The following APPL1 variants were observed in gnomAD, a reference collection of about 807,000 sequenced individuals.
APPL1 encodes DCC-interacting protein 13-alpha.
Under a neutral mutation model 106.8 loss-of-function variants are expected in APPL1, and 42 were observed. That is an observed-to-expected ratio of 0.39 (90% confidence interval 0.31 to 0.51). APPL1 has a LOEUF of 0.51. APPL1 is among the 20% of genes least tolerant of loss of function. APPL1 has a pLI of 0.75. For missense variants in APPL1, 769 were observed against 858.2 expected, an observed-to-expected ratio of 0.90 and a Z score of 1.30; for synonymous variants, 263 against 281.8, an observed-to-expected ratio of 0.93 and a Z score of 0.67.
rs149799809 is a variant in APPL1 at position 57,231,103 on chromosome 3, G to A, written c.54+3166G>A. ...GCCTGTAATCTCAGCACTTTGGGAGGACGAGGCAGGTGAATCACGAGGTCA... is the reference window on the plus strand; with the variant it reads ...GCCTGTAATCTCAGCACTTTGGGAGAACGAGGCAGGTGAATCACGAGGTCA... On this transcript the variant is annotated intron_variant, in intron 1 of 21. Coordinates refer to ENST00000288266, the MANE Select transcript of APPL1 (RefSeq NM_012096.3). Among the ~76,000 whole-genome samples the A allele has an allele frequency of 7.6e-3, 1,148 of 151,932 alleles. 14 individuals carry two copies. The highest frequency in any genetic ancestry group is 0.026 in the African/African-American group (1,067 of 41,474).
At chr3:57,255,162 G>A (rs1163042827) in intron 13 of APPL1, among the ~76,000 whole-genome samples, 1 of 152,204 alleles carries the variant, frequency 6.6e-6, no homozygotes, top group Non-Finnish European at 1.5e-5. Flanking sequence ...AGAGAATTCT[G>A]GAAGGAGTCA....
chr3:57,269,667 A>G lies in APPL1; in HGVS notation c.2110A>G (p.Lys704Glu), dbSNP rs144975113. The change falls in exon 22 of 22, where the codon AAG (lysine) becomes GAG (glutamate). Residue 704 changes from lysine to glutamate, a missense_variant. Physicochemically the swap from Lys to Glu is moderately conservative, Grantham distance 56. Transcript: ENST00000288266. ...EESDLGEGGK[K>E]RESEA ...GAGTGATTTGGGAGAAGGAGGAAAG[A>G]AGAGAGAATCAGAAGCATAAGCTTA... 5.6e-6 allele frequency: 9 copies of G among 1,613,946 alleles called. No individual in the cohort carries two copies. In the African/African-American group the frequency reaches 9.3e-5, roughly 17 times the overall value.
At chr3:57,238,983 AAG>A (rs2060731377) in intron 4 of APPL1, among the ~76,000 whole-genome samples, 2 of 152,186 alleles carry the variant, frequency 1.3e-5, no homozygotes, top group African/African-American at 4.8e-5. Flanking sequence ...TATAAAGAAA[AAG>A]AGGTTTAATG....
Position 57,259,825 on chromosome 3 carries a change from T to C in APPL1, c.1484-20T>C. On this transcript the variant is annotated intron_variant, in intron 16 of 21. Transcript: ENST00000288266. ...TATACAGTAAAAAAAAAATATGTAATACACCTTGTTCTATTATAGATTCTA... is the reference window on the plus strand; with the variant it reads ...TATACAGTAAAAAAAAAATATGTAACACACCTTGTTCTATTATAGATTCTA... The C allele has an allele frequency of 6.6e-7, 1 of 1,525,766 alleles. No individual in the cohort carries two copies. The allele number at this position is 1,525,766 out of a possible 1,614,324, so 94.5% of individuals were successfully genotyped here. A position where few individuals can be genotyped will look rare whatever the true frequency, so the allele number is the denominator to read the frequency against.
At chr3:57,235,428 C>A in intron 1 of APPL1, 138 bp from the exon 2 acceptor site, 1 of 486,610 alleles carries the variant, frequency 2.1e-6, no homozygotes, top group East Asian at 3.2e-5. Flanking sequence ...ACATTACTAT[C>A]AAAAGAGACA....
At position 57,273,239 on chromosome 3, in the gene APPL1, C is replaced by T. The variant is rs1027215115; in HGVS notation, c.*3552C>T. The T allele has an allele frequency of 2.6e-5, 4 of 152,548 alleles. No homozygotes were observed. Among genetic ancestry groups the T allele is most frequent in the African/African-American group, 9.7e-5 (4 of 41,428 alleles). The allele number at this position is 152,548 out of a possible 1,614,324, so 9.4% of individuals were successfully genotyped here. On this transcript the variant is annotated 3_prime_UTR_variant, in exon 22 of 22. Coordinates refer to ENST00000288266, the MANE Select transcript of APPL1 (RefSeq NM_012096.3). ...TGAATTGATTCTTATTTCACTGATA[C>T]TATTAATCATGCAGTGTACAATTCA... is the stretch of plus-strand genomic sequence containing the variant.
At chr3:57,249,615 CT>C (rs2060792872) in intron 11 of APPL1, 67 bp downstream of exon 11, 1 of 1,357,192 alleles carries the variant, frequency 7.4e-7, no homozygotes, top group Admixed American at 2.8e-5. Context: ...GAGATAATTC[CT>C]TTTTGTTTAG....
intron 8 of APPL1, 118 bp from the exon 9 acceptor site, chr3:57,247,277 G>C: frequency 1.7e-6 from 1 of 604,204 alleles, no homozygotes; most frequent in Non-Finnish European, 2.9e-6. Context: ...ACACAAATGG[G>C]AATATTCCTT....
Position 57,263,966 on chromosome 3 carries a change from AC to A in APPL1, c.1842+3193del, listed in dbSNP as rs576246365. 4.7e-4 allele frequency among the ~76,000 whole-genome samples: 71 copies of A among 152,220 alleles called. 3 individuals are homozygous for A. In the South Asian group the frequency reaches 0.015, roughly 31 times the overall value. ...TTTTAGTTTTTTGAGGAACCTCCAG[AC>A]TTTTCTCCATAGTGGTTATACTAAT... On this transcript the variant is annotated intron_variant, in intron 19 of 21. Coordinates refer to ENST00000288266, the MANE Select transcript of APPL1 (RefSeq NM_012096.3).
chr3:57,271,274 G>A lies in APPL1; in HGVS notation c.*1587G>A, dbSNP rs1416506759. ...GTAGGAATAGGATAATGATATATAGGATCATGATATTCCTTCTATCCATGT... is the reference window on the plus strand; with the variant it reads ...GTAGGAATAGGATAATGATATATAGAATCATGATATTCCTTCTATCCATGT... On this transcript the variant is annotated 3_prime_UTR_variant, in exon 22 of 22. Transcript: ENST00000288266. The A allele has an allele frequency of 6.6e-6, 1 of 152,422 alleles. No homozygotes were observed. Among genetic ancestry groups the A allele is most frequent in the Non-Finnish European group, 1.5e-5 (1 of 67,988 alleles). The allele number at this position is 152,422 out of a possible 1,614,324, so 9.4% of individuals were successfully genotyped here. A position where few individuals can be genotyped will look rare whatever the true frequency, so the allele number is the denominator to read the frequency against.
At position 57,270,398 on chromosome 3, in the gene APPL1, G is replaced by GACTT. The variant is rs1481877309; in HGVS notation, c.*712_*715dup. 1.3e-5 allele frequency: 2 copies of GACTT among 152,594 alleles called. No homozygotes were observed. The highest frequency in any genetic ancestry group is 3.8e-4 in the East Asian group (2 of 5,200). The allele number at this position is 152,594 out of a possible 1,614,324, so 9.5% of individuals were successfully genotyped here. ...ATCACATTCTTAGTTCTCAGGTTGG[G>GACTT]ACTTCAATTACTGCTGCAGAGCAGT... is the stretch of plus-strand genomic sequence containing the variant. On this transcript the variant is annotated 3_prime_UTR_variant, in exon 22 of 22. Coordinates refer to ENST00000288266, the MANE Select transcript of APPL1 (RefSeq NM_012096.3).
chr3:57,231,338 CAA>C (rs71088043), intron 1 of APPL1, among the ~76,000 whole-genome samples: 57 of 72,216 alleles, frequency 7.9e-4, no homozygotes, highest in Admixed American at 1.2e-3. Flanking sequence ...GACTCCGTCT[CAA>C]AAAAAAAAAA....
At chr3:57,265,097 A>G (rs2060887466) in intron 19 of APPL1, among the ~76,000 whole-genome samples, 1 of 151,802 alleles carries the variant, frequency 6.6e-6, no homozygotes, top group Non-Finnish European at 1.5e-5. Flanking sequence ...ATATGTTTCC[A>G]TTTTTGGTGT....
At chr3:57,253,328 A>G (rs1332491675) in intron 12 of APPL1, among the ~76,000 whole-genome samples, 1 of 152,186 alleles carries the variant, frequency 6.6e-6, no homozygotes, top group African/African-American at 2.4e-5. Context: ...AGATAAATAT[A>G]GATTATTAAG....
Position 57,227,850 on chromosome 3 carries a change from C to T in APPL1, c.-34C>T, listed in dbSNP as rs1297475564. On this transcript the variant is annotated 5_prime_UTR_variant, in exon 1 of 22. Transcript: ENST00000288266. ...CGGCGCGGGGAGCTGTGGGCGGCAG[C>T]TGCGTCTCCTGCCACCGCCCTCCCT... is the stretch of plus-strand genomic sequence containing the variant. 4 of 1,449,376 alleles carry T rather than the reference C, an allele frequency of 2.8e-6. No individual in the cohort carries two copies. The East Asian group carries it at 1.2e-4, about 43-fold the overall frequency. 89.8% of individuals were successfully genotyped at this position (1,449,376 alleles called of 1,614,324 possible). A position where few individuals can be genotyped will look rare whatever the true frequency, so the allele number is the denominator to read the frequency against.
chr3:57,237,558 T>C lies in APPL1; in HGVS notation c.213+7T>C. On this transcript the variant is annotated splice_region_variant and intron_variant, in intron 3 of 21. Coordinates refer to ENST00000288266, the MANE Select transcript of APPL1 (RefSeq NM_012096.3). ...AAAAGAATATGAAAAACAGGTATTG[T>C]ATATCAAAGTTTTAAAAGCATAATT... 1 of 1,573,410 alleles carries C rather than the reference T, an allele frequency of 6.4e-7. No homozygotes were observed. The highest frequency in any genetic ancestry group is 1.7e-4 in the Middle Eastern group (1 of 5,984).
At chr3:57,233,057 C>A (rs538191063) in intron 1 of APPL1, among the ~76,000 whole-genome samples, 1 of 151,956 alleles carries the variant, frequency 6.6e-6, no homozygotes, top group Non-Finnish European at 1.5e-5. Context: ...AAGATTCGAA[C>A]TCTGTGAAGT....
Position 57,260,352 on chromosome 3 carries a change from C to T in APPL1, c.1695+199C>T, listed in dbSNP as rs757341270. ...TTTATGTAACTTAAAAGAATTAACA[C>T]AATTCTTTTTGTAATTTTTTTAACA... On this transcript the variant is annotated intron_variant, in intron 18 of 21. Coordinates refer to ENST00000288266, the MANE Select transcript of APPL1 (RefSeq NM_012096.3). 3 of 593,496 alleles carry T rather than the reference C, an allele frequency of 5.1e-6. No individual in the cohort carries two copies. In the South Asian group the frequency reaches 9.6e-5, roughly 19 times the overall value. The allele number at this position is 593,496 out of a possible 1,614,324, so 36.8% of individuals were successfully genotyped here.
chr3:57,249,454 G>C lies in APPL1; in HGVS notation c.958G>C (p.Gly320Arg), dbSNP rs756623911. ...TCAGGCCCGTGGGGATGTAGCAGGA[G>C]GCCTGGCCATGGACATAGACAACTG... ...MSQARGDVAG[G>R]LAMDIDNCSV... The change falls in exon 11 of 22, where the codon GGC (glycine) becomes CGC (arginine). Residue 320 changes from glycine (G) to arginine (R), a missense_variant. Coordinates refer to ENST00000288266, the MANE Select transcript of APPL1 (RefSeq NM_012096.3). 110 of 1,614,026 alleles carry C rather than the reference G, an allele frequency of 6.8e-5. No individual in the cohort carries two copies. Among genetic ancestry groups the C allele is most frequent in the Non-Finnish European group, 8.9e-5 (105 of 1,180,028 alleles).
Sources: allele counts gnomAD v4.1 joint callset (sites outside exome capture counted in the v4.1 genomes callset), GRCh38; gene constraint gnomAD v4.1.1; transcripts MANE v1.5; gene names NCBI Gene and HGNC (gene_info 2026-07-23, HGNC 2026-07-21).